Variants in CACNA1C observed in about 807,000 individuals in gnomAD.
CACNA1C encodes calcium voltage-gated channel subunit alpha1 C, also known as voltage-dependent L-type calcium channel subunit alpha-1C.
In CACNA1C, 30 loss-of-function variants were observed where a neutral mutation model predicts 229.0. That is an observed-to-expected ratio of 0.13 (90% CI 0.10 to 0.18). The LOEUF is 0.18. Ranked by LOEUF, CACNA1C falls within the 10% of genes least tolerant of loss-of-function variation. The probability of loss-of-function intolerance (pLI) is 1.00; values close to 1 mark genes in which losing one functional copy is unlikely to be tolerated. For synonymous variants in CACNA1C, 1,114 were observed against 1,132.5 expected, an observed-to-expected ratio of 0.98 and a Z score of 0.33; for missense variants, 1,658 against 2,845.0, an observed-to-expected ratio of 0.58 and a Z score of 9.49.
intron 1 of CACNA1C, among the ~76,000 whole-genome samples, chr12:1,990,917 G>C (rs1402043492): frequency 6.6e-6 from 1 of 151,180 alleles, no homozygotes; most frequent in Non-Finnish European, 1.5e-5. Context: ...GATTGAAAAG[G>C]CTTTTGCAAA....
At position 2,679,771 on chromosome 12, in the gene CACNA1C, G is replaced by A. The variant is rs1474889407; in HGVS notation, c.5419G>A (p.Val1807Met). ...PLSPAIRVQEVAWKLSSNRCH... is the reference protein window; with the variant it reads ...PLSPAIRVQEMAWKLSSNRCH... ...GTCCCCTGCCATCCGGGTGCAGGAG[G>A]TGGCGTGGAAGCTCAGCTCCAACAG... Residue 1807 changes from valine to methionine, a missense_variant, in exon 42 of 47, where the codon GTG becomes ATG. Physicochemically the swap from Val to Met is conservative, Grantham distance 21. Around this residue, in one of 20 missense-constraint regions of CACNA1C, gnomAD observed 590 missense variants for 700.8 expected, o/e 0.84. Transcript: ENST00000399655. The surrounding 1 kb of genome is among the most constrained non-coding windows in gnomAD (Gnocchi z 5.5). The A allele has an allele frequency of 3.2e-6, 5 of 1,578,946 alleles. No individual in the cohort carries two copies. Among genetic ancestry groups the A allele is most frequent in the Non-Finnish European group, 1.7e-6 (2 of 1,161,526 alleles).
intron 3 of CACNA1C, among the ~76,000 whole-genome samples, chr12:2,236,935 C>T (rs2067621559): frequency 6.6e-6 from 1 of 152,192 alleles, no homozygotes; most frequent in African/African-American, 2.4e-5. Context: ...AGTTAGCCTC[C>T]AGGGGTTTCT....
intron 3 of CACNA1C, among the ~76,000 whole-genome samples, chr12:2,384,218 GT>G (rs578262132): frequency 1.3e-5 from 2 of 152,194 alleles, no homozygotes; most frequent in Non-Finnish European, 2.9e-5. Flanking sequence ...AGAATCGCGG[GT>G]TACTGTACTG....
intron 4 of CACNA1C, 59 bp downstream of exon 4, chr12:2,449,174 T>C (rs958578529): frequency 1.5e-6 from 2 of 1,338,366 alleles, no homozygotes; most frequent in African/African-American, 1.5e-5. Flanking sequence ...GACTTTTCCT[T>C]AAGTCAGCTG....
At chr12:2,564,463 T>C (rs2049198838) in intron 11 of CACNA1C, among the ~76,000 whole-genome samples, 1 of 152,192 alleles carries the variant, frequency 6.6e-6, no homozygotes, top group South Asian at 2.1e-4. Flanking sequence ...GATTCTACTT[T>C]GTTTCTCCTC....
intron 3 of CACNA1C, among the ~76,000 whole-genome samples, chr12:2,350,533 C>T (rs535582362): frequency 6.6e-6 from 1 of 152,160 alleles, no homozygotes; most frequent in African/African-American, 2.4e-5. Context: ...ATCAAGGGGG[C>T]AATGGGGCCT....
At chr12:2,049,552 T>C (rs1006238044), upstream of CACNA1C, 2 of 152,198 alleles carry the variant, frequency 1.3e-5, no homozygotes, top group Admixed American at 6.5e-5. Context: ...TCAACACAAA[T>C]TGAGTGTCCA....
intron 21 of CACNA1C, among the ~76,000 whole-genome samples, chr12:2,599,921 T>C (rs2071044250): frequency 6.6e-6 from 1 of 152,148 alleles, no homozygotes; most frequent in Non-Finnish European, 1.5e-5. Context: ...ATGCACTTGC[T>C]CAAGTGTTGG....
chr12:2,185,572 A>C (rs2096972722), intron 3 of CACNA1C, among the ~76,000 whole-genome samples: 1 of 152,340 alleles, frequency 6.6e-6, no homozygotes, highest in South Asian at 2.1e-4. Flanking sequence ...TTGGACACAG[A>C]CACACATGGA....
At chr12:2,171,478 C>A (rs1446999804) in intron 3 of CACNA1C, among the ~76,000 whole-genome samples, 1 of 152,146 alleles carries the variant, frequency 6.6e-6, no homozygotes, top group Non-Finnish European at 1.5e-5. Context: ...AGCTCACAGA[C>A]GGGGAGGTGG....
At chr12:2,417,313 A>G (rs112279579) in intron 3 of CACNA1C, among the ~76,000 whole-genome samples, 5 of 152,320 alleles carry the variant, frequency 3.3e-5, no homozygotes, top group African/African-American at 1.2e-4. Context: ...ACCCACTTGC[A>G]GTCATTCACC....
At chr12:2,333,318 T>A (rs2096603050) in intron 3 of CACNA1C, among the ~76,000 whole-genome samples, 1 of 152,198 alleles carries the variant, frequency 6.6e-6, no homozygotes, top group Non-Finnish European at 1.5e-5. Context: ...CCAAAACCTG[T>A]GCTCTTAATT....
At position 2,662,116 on chromosome 12, in the gene CACNA1C, C is replaced by A. The variant is rs538552086; in HGVS notation, c.4233-2709C>A. ...AATTAGCCGGGCGTGGTAGCAGGCG[C>A]CTGTAGTCCCAGCTACTCAGGAGGC... On this transcript the variant is annotated intron_variant, in intron 34 of 46. Coordinates refer to ENST00000399655, the MANE Select transcript of CACNA1C (RefSeq NM_000719.7). 2.8e-3 allele frequency among the ~76,000 whole-genome samples: 428 copies of A among 152,010 alleles called. 5 individuals carry two copies. Among genetic ancestry groups the A allele is most frequent in the African/African-American group, 0.01 (415 of 41,498 alleles).
intron 38 of CACNA1C, among the ~76,000 whole-genome samples, chr12:2,670,102 C>G (rs533940404): frequency 3.9e-5 from 6 of 152,312 alleles, no homozygotes; most frequent in African/African-American, 1.4e-4. Flanking sequence ...CCACACAGAC[C>G]TGCTGATGCC....
intron 3 of CACNA1C, among the ~76,000 whole-genome samples, chr12:2,244,403 G>A (rs2072086264): frequency 6.6e-6 from 1 of 152,200 alleles, no homozygotes; most frequent in Non-Finnish European, 1.5e-5. Flanking sequence ...AGGTCCTAAG[G>A]GAAGGTGCCA....
At chr12:2,297,227 C>T (rs1447248484) in intron 3 of CACNA1C, among the ~76,000 whole-genome samples, 1 of 152,176 alleles carries the variant, frequency 6.6e-6, no homozygotes, top group Non-Finnish European at 1.5e-5. Flanking sequence ...GCACAGAACA[C>T]GTGGGAGCCG....
intron 3 of CACNA1C, among the ~76,000 whole-genome samples, chr12:2,276,037 A>G (rs1339734563): frequency 6.6e-6 from 1 of 152,126 alleles, no homozygotes; most frequent in Middle Eastern, 3.2e-3. Context: ...TGTATTTTAC[A>G]TATGGTATAT....
chr12:2,135,466 G>T lies in CACNA1C; in HGVS notation c.477+15036G>T, dbSNP rs1174318295. 3.7e-4 allele frequency among the ~76,000 whole-genome samples: 51 copies of T among 137,248 alleles called. 2 individuals carry two copies. The highest frequency in any genetic ancestry group is 6.8e-4 in the South Asian group (3 of 4,442). The allele number at this position is 137,248 out of a possible 152,430, so 90.0% of individuals were successfully genotyped here. The stretch of plus-strand genomic sequence containing the variant: ...TCTACTTTTGGTCTTTGATGATGGT[G>T]ATGTACAGATGGGTTTTTGGTGTGG... On this transcript the variant is annotated intron_variant, in intron 3 of 46. Coordinates refer to ENST00000399655, the MANE Select transcript of CACNA1C (RefSeq NM_000719.7).
rs2075710439 is a variant in CACNA1C, at chr12:2,607,082, C to G, written c.3308C>G (p.Ala1103Gly). The change falls in exon 26 of 47, where the codon GCA (alanine) becomes GGA (glycine). Residue 1103 changes from alanine to glycine, a missense_variant. Coordinates refer to ENST00000399655, the MANE Select transcript of CACNA1C (RefSeq NM_000719.7). The stretch of plus-strand genomic sequence containing the variant: ...AAGTTTGACTTTGACAATGTTCTGG[C>G]AGCCATGATGGCCCTCTTCACCGTC... Reference protein sequence around the residue: ...NSKFDFDNVLAAMMALFTVST... With the variant: ...NSKFDFDNVLGAMMALFTVST... The G allele has an allele frequency of 6.2e-7, 1 of 1,613,962 alleles. No homozygotes were observed. Among genetic ancestry groups the G allele is most frequent in the African/African-American group, 1.3e-5 (1 of 75,046 alleles).
Sources: allele counts gnomAD v4.1 joint callset (sites outside exome capture counted in the v4.1 genomes callset), GRCh38; gene constraint gnomAD v4.1.1; regional missense constraint gnomAD v4.1.1; non-coding constraint Gnocchi (gnomAD v3.1); transcripts MANE v1.5; gene names NCBI Gene and HGNC (gene_info 2026-07-23, HGNC 2026-07-21).